The following B4GALT2 variants were observed in gnomAD, a reference collection of about 807,000 sequenced individuals.
The protein encoded by B4GALT2 is beta-1,4-galactosyltransferase 2, also known as N-acetyllactosamine synthase.
In B4GALT2, 18 loss-of-function variants were observed where a neutral mutation model predicts 33.2. The observed-to-expected ratio is 0.54, with a 90% confidence interval of 0.38 to 0.80. B4GALT2 has a LOEUF of 0.80. B4GALT2 is among the 30% of genes least tolerant of loss of function. The probability of loss-of-function intolerance (pLI) is 0.00; values close to 1 mark genes in which losing one functional copy is unlikely to be tolerated. For missense variants in B4GALT2, 404 were observed against 526.2 expected (o/e 0.77, Z 2.27); for synonymous variants, 214 against 217.6 (o/e 0.98, Z 0.15).
intron 6 of B4GALT2, among the ~76,000 whole-genome samples, chr1:43,988,443 A>T (rs938083194): frequency 6.6e-6 from 1 of 151,690 alleles, no homozygotes; most frequent in Non-Finnish European, 1.5e-5. Context: ...AGATCACCTG[A>T]GGTCAGTAGT....
rs142823086 is a variant in B4GALT2, at chr1:43,982,430, G to T, written c.549+506G>T. ...AGAGACCTCCTAGACTTGGACATGGGTCCCTCCCGTATGATGGGACACAAG... is the reference window on the plus strand; with the variant it reads ...AGAGACCTCCTAGACTTGGACATGGTTCCCTCCCGTATGATGGGACACAAG... On this transcript the variant is annotated intron_variant, in intron 3 of 6. Transcript: ENST00000372324. This position sits in a 1 kb window ranked among gnomAD's most constrained non-coding sequence, Gnocchi z 4.3. Among the ~76,000 whole-genome samples, 383 of 152,244 alleles carry T rather than the reference G, an allele frequency of 2.5e-3. No individual in the cohort carries two copies. Among genetic ancestry groups the T allele is most frequent in the Non-Finnish European group, 4.0e-3 (275 of 67,998 alleles).
At chr1:43,988,681 TCAAAAAACCAAAA>T (rs984509497) in intron 6 of B4GALT2, among the ~76,000 whole-genome samples, 5 of 148,844 alleles carry the variant, frequency 3.4e-5, no homozygotes. Flanking sequence ...AGAGAGCGTC[TCAAAAAACCAAAA>T]CAAAAAGCCG....
intron 1 of B4GALT2, chr1:43,980,346 CTT>C (rs1162930493): frequency 6.1e-6 from 2 of 330,000 alleles, no homozygotes; most frequent in East Asian, 1.2e-4. Context: ...GACCCAGAGT[CTT>C]GGTCCCAGTC....
In B4GALT2 at chr1:43,984,554, C is replaced by G. The variant is rs768044292; in HGVS notation, c.550-311C>G. On this transcript the variant is annotated intron_variant, in intron 3 of 6. Coordinates refer to ENST00000372324, the MANE Select transcript of B4GALT2 (RefSeq NM_003780.5). This position sits in a 1 kb window ranked among gnomAD's most constrained non-coding sequence, Gnocchi z 5.6. ...GGAGCCGCTCCAGCCCTGAGTGTGA[C>G]AAGCACAGGTACTGCTAACCCCAAG... 1.3e-5 allele frequency among the ~76,000 whole-genome samples: 2 copies of G among 152,212 alleles called. No individual in the cohort carries two copies.
At chr1:43,980,016 C>T (rs751773202) in intron 1 of B4GALT2, 25 of 1,521,284 alleles carry the variant, frequency 1.6e-5, no homozygotes, top group Non-Finnish European at 2.2e-5. Context: ...GGATGTATGG[C>T]TGTGGAAGTC....
At chr1:43,988,892 G>A (rs1436650193) in intron 6 of B4GALT2, among the ~76,000 whole-genome samples, 1 of 151,846 alleles carries the variant, frequency 6.6e-6, no homozygotes, top group East Asian at 1.9e-4. Context: ...ATTTGTGAGG[G>A]TGTCAGACGT....
chr1:43,989,060 A>G (rs1049866820), intron 6 of B4GALT2, among the ~76,000 whole-genome samples: 10 of 152,138 alleles, frequency 6.6e-5, no homozygotes, highest in African/African-American at 2.4e-4. Flanking sequence ...AAAAATCACT[A>G]GATCAGCTGG....
At chr1:43,986,561 C>T (rs2085661348) in intron 6 of B4GALT2, among the ~76,000 whole-genome samples, 2 of 152,064 alleles carry the variant, frequency 1.3e-5, no homozygotes, top group Non-Finnish European at 1.5e-5. Flanking sequence ...TGATACATAC[C>T]GAGAGTCTGA....
In B4GALT2 at chr1:43,981,242, G is replaced by T. The variant is rs757515250; in HGVS notation, c.82G>T (p.Val28Phe). ...LLCLLHFLVA[V>F]ILYFDVYAQH... ...CTGCCTGCTGCACTTCCTCGTGGCC[G>T]TCATCCTCTACTTTGACGTCTACGC... Residue 28 changes from valine (V) to phenylalanine (F), a missense_variant, in exon 2 of 7, where the codon GTC becomes TTC. Physicochemically the swap from Val to Phe is conservative, Grantham distance 50 (BLOSUM62 -1). Transcript: ENST00000372324. The surrounding 1 kb of genome is among the most constrained non-coding windows in gnomAD (Gnocchi z 8.1). 1 of 1,606,354 alleles carries T rather than the reference G, an allele frequency of 6.2e-7. No individual in the cohort carries two copies. Among genetic ancestry groups the T allele is most frequent in the Non-Finnish European group, 8.5e-7 (1 of 1,179,884 alleles).
Position 43,981,301 on chromosome 1 carries a change from C to T in B4GALT2, c.141C>T (p.Ala47=). Reference sequence around the variant, plus strand: ...TGGCCTTCTTCAGCCGCTTCAGTGCCCGAGGCCCTGCCCATGCCCTCCACC... The same window carrying T: ...TGGCCTTCTTCAGCCGCTTCAGTGCTCGAGGCCCTGCCCATGCCCTCCACC... ...QHLAFFSRFS[A]RGPAHALHPA... Residue 47 remains alanine (A), a synonymous_variant, in exon 2 of 7, where the codon GCC becomes GCT. Coordinates refer to ENST00000372324, the MANE Select transcript of B4GALT2 (RefSeq NM_003780.5). The surrounding 1 kb of genome is among the most constrained non-coding windows in gnomAD (Gnocchi z 8.1). 1 of 1,604,786 alleles carries T rather than the reference C, an allele frequency of 6.2e-7. No homozygotes were observed. The highest frequency in any genetic ancestry group is 8.5e-7 in the Non-Finnish European group (1 of 1,179,882).
At position 43,981,239 on chromosome 1, in the gene B4GALT2, GCCGTCAT is replaced by G; in HGVS notation, c.82_88del (p.Val28SerfsTer80). The G allele has an allele frequency of 1.2e-6, 2 of 1,606,102 alleles. No individual in the cohort carries two copies. Among genetic ancestry groups the G allele is most frequent in the Non-Finnish European group, 1.7e-6 (2 of 1,179,890 alleles). On this transcript the variant is annotated frameshift_variant, in exon 2 of 7. Transcript: ENST00000372324. LOFTEE classifies it high-confidence loss of function. The surrounding 1 kb of genome is among the most constrained non-coding windows in gnomAD (Gnocchi z 8.1). ...TCTCTGCCTGCTGCACTTCCTCGTGGCCGTCATCCTCTACTTTGACGTCTACGCCCAG... is the reference window on the plus strand; with the variant it reads ...TCTCTGCCTGCTGCACTTCCTCGTGGCCTCTACTTTGACGTCTACGCCCAG...
intron 4 of B4GALT2, 52 bp from the exon 5 acceptor site, chr1:43,985,226 C>T: frequency 2.5e-6 from 4 of 1,581,520 alleles, no homozygotes; most frequent in Non-Finnish European, 3.4e-6. Flanking sequence ...TCTGGTCCTT[C>T]CCCTGGAGTC....
chr1:43,979,214 C>A lies in B4GALT2; in HGVS notation c.-350C>A, dbSNP rs2085564881. Reference sequence around the variant, plus strand: ...GCGGGCGCGCGGGCCGGGCCTGCCCCTCCGAGGCGCCGTAGCGCGGGAGGG... The same window carrying A: ...GCGGGCGCGCGGGCCGGGCCTGCCCATCCGAGGCGCCGTAGCGCGGGAGGG... On this transcript the variant is annotated 5_prime_UTR_variant, in exon 1 of 7. Coordinates refer to ENST00000372324, the MANE Select transcript of B4GALT2 (RefSeq NM_003780.5). This position sits in a 1 kb window ranked among gnomAD's most constrained non-coding sequence, Gnocchi z 4.8. 1 of 145,870 alleles carries A rather than the reference C, an allele frequency of 6.9e-6. No individual in the cohort carries two copies. The highest frequency in any genetic ancestry group is 1.5e-5 in the Non-Finnish European group (1 of 65,508). 9.0% of individuals were successfully genotyped at this position (145,870 alleles called of 1,614,324 possible).
Position 43,984,815 on chromosome 1 carries a change from G to A in B4GALT2, c.550-50G>A, listed in dbSNP as rs186070237. 296 of 1,581,000 alleles carry A rather than the reference G, an allele frequency of 1.9e-4. 3 individuals are homozygous for A. The African/African-American group carries it at 3.6e-3, about 19-fold the overall frequency. On this transcript the variant is annotated intron_variant, in intron 3 of 6. Transcript: ENST00000372324. The surrounding 1 kb of genome is among the most constrained non-coding windows in gnomAD (Gnocchi z 5.6). ...GCTCTGGAGAGTGGCAAAAGGGCAG[G>A]TGCTTGTTGGTCACAGGCCCAGGGT...
chr1:43,985,440 G>GGA lies in B4GALT2; in HGVS notation c.863+41_863+42insAG, dbSNP rs778656767. Reference sequence around the variant, plus strand: ...GGTGGGGAATAGGCTGGGTGGGGGGGGGAGGGGGGGTGCAGACTGGGTGGG... The same window carrying GGA: ...GGTGGGGAATAGGCTGGGTGGGGGGGGAGGAGGGGGGGTGCAGACTGGGTGGG... On this transcript the variant is annotated intron_variant, in intron 5 of 6. Transcript: ENST00000372324. 1,464 of 587,886 alleles carry GGA rather than the reference G, an allele frequency of 2.5e-3. 28 individuals are homozygous for GGA. Among genetic ancestry groups the GGA allele is most frequent in the African/African-American group, 0.024 (1,312 of 53,682 alleles). 36.4% of individuals were successfully genotyped at this position (587,886 alleles called of 1,614,324 possible).
chr1:43,985,030 A>G lies in B4GALT2; in HGVS notation c.715A>G (p.Ile239Val). Reference sequence around the variant, plus strand: ...CGGCGACCAACCCCGCCACTTTGCCATTGCCATGGACAAGTTTGGCTTCCG... The same window carrying G: ...CGGCGACCAACCCCGCCACTTTGCCGTTGCCATGGACAAGTTTGGCTTCCG... ...RCGDQPRHFAIAMDKFGFRLP... is the reference protein window; with the variant it reads ...RCGDQPRHFAVAMDKFGFRLP... The change falls in exon 4 of 7, where the codon ATT (isoleucine) becomes GTT (valine). Residue 239 changes from isoleucine to valine, a missense_variant. Transcript: ENST00000372324. The G allele has an allele frequency of 6.2e-7, 1 of 1,613,752 alleles. No homozygotes were observed. The highest frequency in any genetic ancestry group is 8.5e-7 in the Non-Finnish European group (1 of 1,179,934).
In B4GALT2 at chr1:43,981,124, C is replaced by A; in HGVS notation, c.-37C>A. 1 of 1,590,734 alleles carries A rather than the reference C, an allele frequency of 6.3e-7. No homozygotes were observed. The highest frequency in any genetic ancestry group is 8.5e-7 in the Non-Finnish European group (1 of 1,175,204). On this transcript the variant is annotated 5_prime_UTR_variant, in exon 2 of 7. Coordinates refer to ENST00000372324, the MANE Select transcript of B4GALT2 (RefSeq NM_003780.5). The surrounding 1 kb of genome is among the most constrained non-coding windows in gnomAD (Gnocchi z 8.1). Reference sequence around the variant, plus strand: ...CCCTGCTCAGGCCAGCAGCCGGATGCCCGGGCCCACTGGGCGGGCCAGTGG... The same window carrying A: ...CCCTGCTCAGGCCAGCAGCCGGATGACCGGGCCCACTGGGCGGGCCAGTGG...
rs769967372 is a variant in B4GALT2, at chr1:43,984,859, A to G, written c.550-6A>G. On this transcript the variant is annotated splice_region_variant and splice_polypyrimidine_tract_variant and intron_variant, in intron 3 of 6. Coordinates refer to ENST00000372324, the MANE Select transcript of B4GALT2 (RefSeq NM_003780.5). The surrounding 1 kb of genome is among the most constrained non-coding windows in gnomAD (Gnocchi z 5.6). ...CCAGGGTTGACCTGCTCCTCCCCCT[A>G]CCCAGCATGGTGAGGACACCTTCAA... 1 of 1,612,710 alleles carries G rather than the reference A, an allele frequency of 6.2e-7. No homozygotes were observed. The highest frequency in any genetic ancestry group is 1.1e-5 in the South Asian group (1 of 91,072).
Position 43,985,271 on chromosome 1 carries a change from G to A in B4GALT2, c.741-7G>A. 1 of 1,608,996 alleles carries A rather than the reference G, an allele frequency of 6.2e-7. No individual in the cohort carries two copies. Among genetic ancestry groups the A allele is most frequent in the Non-Finnish European group, 8.5e-7 (1 of 1,177,058 alleles). On this transcript the variant is annotated splice_polypyrimidine_tract_variant and splice_region_variant and intron_variant, in intron 4 of 6. Coordinates refer to ENST00000372324, the MANE Select transcript of B4GALT2 (RefSeq NM_003780.5). Reference sequence around the variant, plus strand: ...CCCTTACTGACACCTGCCTTCCCATGCCACAGGCTTCCCTATGCTGGCTAC... The same window carrying A: ...CCCTTACTGACACCTGCCTTCCCATACCACAGGCTTCCCTATGCTGGCTAC...
Sources: allele counts gnomAD v4.1 joint callset (sites outside exome capture counted in the v4.1 genomes callset), GRCh38; gene constraint gnomAD v4.1.1; non-coding constraint Gnocchi (gnomAD v3.1); transcripts MANE v1.5; gene names NCBI Gene and HGNC (gene_info 2026-07-23, HGNC 2026-07-21).